KLF13: variants seen among roughly 807,000 people sequenced by gnomAD.
KLF13 encodes KLF transcription factor 13, also known as Krueppel-like factor 13.
In KLF13, 8 loss-of-function variants were observed where a neutral mutation model predicts 16.7. The observed-to-expected ratio is 0.48, with a 90% CI of 0.28 to 0.87. The LOEUF (loss-of-function observed/expected upper bound fraction) is 0.87, where lower values mean the gene tolerates loss of function less well. Ranked by LOEUF, KLF13 falls within the 40% of genes least tolerant of loss-of-function variation. KLF13 has a pLI of 0.10. For missense variants in KLF13, 447 were observed against 452.2 expected, an observed-to-expected ratio of 0.99 and a Z score of 0.10; for synonymous variants, 245 against 208.4, an observed-to-expected ratio of 1.18 and a Z score of -1.51.
intron 1 of KLF13, among the ~76,000 whole-genome samples, chr15:31,414,429 A>C (rs1253660538): frequency 1.3e-5 from 2 of 152,198 alleles, no homozygotes; most frequent in Admixed American, 6.5e-5. Context: ...AAATTGTCAT[A>C]CTGAATTACA....
At chr15:31,340,805 G>A (rs747697103) in intron 1 of KLF13, among the ~76,000 whole-genome samples, 1 of 152,178 alleles carries the variant, frequency 6.6e-6, no homozygotes, top group Non-Finnish European at 1.5e-5. Flanking sequence ...GGAGGTGGCA[G>A]CTGCAGTGAG....
intron 1 of KLF13, among the ~76,000 whole-genome samples, chr15:31,418,145 T>C (rs2040277850): frequency 6.6e-6 from 1 of 151,324 alleles, no homozygotes; most frequent in African/African-American, 2.5e-5. Flanking sequence ...TAATTAAAAA[T>C]TTACACTTAA....
At chr15:31,384,391 C>G (rs1035963066) in intron 1 of KLF13, among the ~76,000 whole-genome samples, 1 of 152,188 alleles carries the variant, frequency 6.6e-6, no homozygotes, top group African/African-American at 2.4e-5. Context: ...GAGATCACAC[C>G]ACTGCACTCC....
downstream of KLF13, among the ~76,000 whole-genome samples, chr15:31,407,713 A>G (rs1566841269): frequency 6.6e-6 from 1 of 152,200 alleles, no homozygotes; most frequent in Non-Finnish European, 1.5e-5. Context: ...AAGCAAATCC[A>G]TACCAGGAAC....
chr15:31,381,495 A>C (rs2039726153), downstream of KLF13, among the ~76,000 whole-genome samples: 1 of 152,146 alleles, frequency 6.6e-6, no homozygotes, highest in Non-Finnish European at 1.5e-5. Flanking sequence ...TGTGCGGCTG[A>C]GATGTGGCTG....
intron 1 of KLF13, among the ~76,000 whole-genome samples, chr15:31,426,210 A>G (rs1002308792): frequency 9.2e-5 from 14 of 152,160 alleles, no homozygotes; most frequent in African/African-American, 3.4e-4. Context: ...TCTTTTTCTG[A>G]GCCCTTCAAA....
In KLF13 at chr15:31,327,366, C is replaced by A; in HGVS notation, c.154C>A (p.Arg52Ser). The change falls in exon 1 of 2, where the codon CGC becomes AGC. Residue 52 changes from arginine to serine, a missense_variant. Transcript: ENST00000307145. The stretch of plus-strand genomic sequence containing the variant: ...CCCCACGCTGCCCCGCGTCGAGGAG[C>A]GCCGCGACGGTAAGGACAGCGCCTC... ...ATPTLPRVEE[R>S]RDGKDSASLF... is the part of the protein sequence containing the mutation. 1 of 1,286,096 alleles carries A rather than the reference C, an allele frequency of 7.8e-7. No individual in the cohort carries two copies. Among genetic ancestry groups the A allele is most frequent in the African/African-American group, 1.6e-5 (1 of 63,778 alleles). The allele number at this position is 1,286,096 out of a possible 1,614,324, so 79.7% of individuals were successfully genotyped here. A position where few individuals can be genotyped will look rare whatever the true frequency, so the allele number is the denominator to read the frequency against.
chr15:31,421,428 A>C (rs1284828323), intron 1 of KLF13, among the ~76,000 whole-genome samples: 1 of 152,232 alleles, frequency 6.6e-6, no homozygotes, highest in East Asian at 1.9e-4. Flanking sequence ...AAATTTGAAA[A>C]AGTATAAATA....
At chr15:31,378,158 A>ACG (rs2039679239), downstream of KLF13, among the ~76,000 whole-genome samples, 3 of 152,170 alleles carry the variant, frequency 2.0e-5, no homozygotes, top group Admixed American at 2.0e-4. Context: ...CCGAAAGAGC[A>ACG]CGGAGGAGAA....
At chr15:31,414,460 T>C (rs1020769276) in intron 1 of KLF13, among the ~76,000 whole-genome samples, 1 of 152,182 alleles carries the variant, frequency 6.6e-6, no homozygotes, top group African/African-American at 2.4e-5. Context: ...TTCTACTTAC[T>C]ATATGTTGTC....
chr15:31,383,304 C>T (rs1301834475), intron 1 of KLF13, among the ~76,000 whole-genome samples: 5 of 152,218 alleles, frequency 3.3e-5, no homozygotes, highest in Admixed American at 6.5e-5. Context: ...GCCTCCTTCC[C>T]GGGCTCTGCA....
At chr15:31,419,039 C>T (rs2141006822) in intron 1 of KLF13, among the ~76,000 whole-genome samples, 1 of 152,308 alleles carries the variant, frequency 6.6e-6, no homozygotes, top group South Asian at 2.1e-4. Context: ...CTGGCATCTG[C>T]TTCTGGTGAG....
chr15:31,347,199 A>C (rs950948552), intron 1 of KLF13, among the ~76,000 whole-genome samples: 4 of 152,188 alleles, frequency 2.6e-5, no homozygotes, highest in African/African-American at 9.7e-5. Context: ...CAGCCTTCCC[A>C]GAAAAAGGCT....
chr15:31,391,554 G>T (rs946661672), upstream of KLF13, among the ~76,000 whole-genome samples: 1 of 152,112 alleles, frequency 6.6e-6, no homozygotes, highest in Admixed American at 6.5e-5. Flanking sequence ...GCTGGGCCAG[G>T]AGCCCCATCT....
At chr15:31,420,541 G>T in intron 1 of KLF13, 1 of 538,742 alleles carries the variant, frequency 1.9e-6, no homozygotes, top group East Asian at 4.3e-5. Flanking sequence ...TCCAGAGCCT[G>T]CTAGGAGAAC....
Position 31,341,537 on chromosome 15 carries a change from C to CTT in KLF13, c.577+13764_577+13765dup, listed in dbSNP as rs34870652. ...TTTTTGAGGCTGGGACAATTCAGAA[C>CTT]TTTTTTTTTTTTTTTTTGAGGCTGG... is the stretch of plus-strand genomic sequence containing the variant. On this transcript the variant is annotated intron_variant, in intron 1 of 1. Coordinates refer to ENST00000307145, the MANE Select transcript of KLF13 (RefSeq NM_015995.4). 2.3e-3 allele frequency among the ~76,000 whole-genome samples: 281 copies of CTT among 121,418 alleles called. 4 individuals are homozygous for CTT. The highest frequency in any genetic ancestry group is 3.0e-3 in the Admixed American group (35 of 11,672). The allele number at this position is 121,418 out of a possible 152,430, so 79.7% of individuals were successfully genotyped here.
At chr15:31,424,536 T>G (rs1225377703) in intron 1 of KLF13, among the ~76,000 whole-genome samples, 1 of 152,206 alleles carries the variant, frequency 6.6e-6, no homozygotes, top group Non-Finnish European at 1.5e-5. Context: ...CATGATCATT[T>G]CAATTGATGC....
intron 1 of KLF13, among the ~76,000 whole-genome samples, chr15:31,411,500 A>G (rs2040192958): frequency 6.7e-6 from 1 of 149,322 alleles, no homozygotes; most frequent in Admixed American, 6.7e-5. Context: ...GGTTCACACC[A>G]TTCTCCTGCC....
chr15:31,385,627 T>A (rs944803337), intron 1 of KLF13, among the ~76,000 whole-genome samples: 1 of 152,224 alleles, frequency 6.6e-6, no homozygotes, highest in African/African-American at 2.4e-5. Flanking sequence ...GTAATTGGAG[T>A]GCCATGAACC....
Sources: allele counts gnomAD v4.1 joint callset (sites outside exome capture counted in the v4.1 genomes callset), GRCh38; gene constraint gnomAD v4.1.1; transcripts MANE v1.5; gene names NCBI Gene and HGNC (gene_info 2026-07-23, HGNC 2026-07-21).